The following EFCAB11 variants were observed in gnomAD, a reference collection of about 807,000 sequenced individuals.
EFCAB11 encodes the protein EF-hand calcium-binding domain-containing protein 11.
In EFCAB11, 14 loss-of-function variants were observed where a neutral mutation model predicts 23.0. The ratio of observed to expected loss-of-function variants is 0.61; its 90% CI spans 0.40 to 0.95. The LOEUF (loss-of-function observed/expected upper bound fraction) is 0.95. EFCAB11 is among the 40% of genes least tolerant of loss of function. The probability of loss-of-function intolerance (pLI) is 0.00; values close to 1 mark genes in which losing one functional copy is unlikely to be tolerated. For missense variants in EFCAB11, 198 were observed against 195.8 expected, an observed-to-expected ratio of 1.01 and a Z score of -0.07; for synonymous variants, 65 against 66.6, an observed-to-expected ratio of 0.98 and a Z score of 0.11.
At chr14:89,849,310 C>A (rs1215251599) in intron 5 of EFCAB11, among the ~76,000 whole-genome samples, 2 of 152,200 alleles carry the variant, frequency 1.3e-5, no homozygotes, top group Non-Finnish European at 2.9e-5. Context: ...TAGGCATCAG[C>A]CATGGGAAAT....
intron 5 of EFCAB11, among the ~76,000 whole-genome samples, chr14:89,810,073 T>C (rs1886101376): frequency 1.3e-5 from 2 of 152,222 alleles, no homozygotes; most frequent in Non-Finnish European, 2.9e-5. Flanking sequence ...GGACCATCAA[T>C]ATGACTGTGA....
intron 5 of EFCAB11, among the ~76,000 whole-genome samples, chr14:89,823,122 T>C (rs1886579205): frequency 6.6e-6 from 1 of 152,136 alleles, no homozygotes; most frequent in African/African-American, 2.4e-5. Flanking sequence ...AGCACAGAAC[T>C]TTCTCCAGTG....
chr14:89,824,485 T>C (rs554920986), intron 5 of EFCAB11, among the ~76,000 whole-genome samples: 44 of 151,916 alleles, frequency 2.9e-4, no homozygotes, highest in Non-Finnish European at 2.1e-4. Flanking sequence ...GGAAAACAAA[T>C]GACAAATGAG....
chr14:89,836,853 T>C (rs1396323659), intron 5 of EFCAB11, among the ~76,000 whole-genome samples: 4 of 152,138 alleles, frequency 2.6e-5, no homozygotes, highest in African/African-American at 9.7e-5. Context: ...ACCTCGTCTC[T>C]ACTAAAAATT....
intron 5 of EFCAB11, among the ~76,000 whole-genome samples, chr14:89,831,585 AT>A (rs1279138683): frequency 1.3e-5 from 2 of 152,228 alleles, no homozygotes; most frequent in Non-Finnish European, 2.9e-5. Flanking sequence ...GCATGTATAT[AT>A]TAGTTTACAT....
At chr14:89,864,249 C>A (rs1177982737) in intron 5 of EFCAB11, among the ~76,000 whole-genome samples, 2 of 152,094 alleles carry the variant, frequency 1.3e-5, no homozygotes, top group African/African-American at 4.8e-5. Context: ...CTGAGCCATA[C>A]TAACAAATTA....
chr14:89,914,869 G>A (rs138126741), intron 5 of EFCAB11, among the ~76,000 whole-genome samples: 1 of 151,980 alleles, frequency 6.6e-6, no homozygotes, highest in African/African-American at 2.4e-5. Flanking sequence ...CAAAGGCTGG[G>A]TTCTTTTGAC....
chr14:89,887,033 T>C (rs1888811151), intron 5 of EFCAB11, among the ~76,000 whole-genome samples: 1 of 152,236 alleles, frequency 6.6e-6, no homozygotes, highest in African/African-American at 2.4e-5. Flanking sequence ...AGATTGTTTT[T>C]ATAGTCTTTA....
At chr14:89,872,782 G>GACACAC (rs141688592) in intron 5 of EFCAB11, among the ~76,000 whole-genome samples, 24 of 149,544 alleles carry the variant, frequency 1.6e-4, no homozygotes, top group Non-Finnish European at 1.8e-4. Context: ...AAGAGATTAG[G>GACACAC]ACACACACAC....
intron 3 of EFCAB11, among the ~76,000 whole-genome samples, chr14:89,940,651 A>T (rs1890758733): frequency 6.6e-6 from 1 of 152,242 alleles, no homozygotes; most frequent in Non-Finnish European, 1.5e-5. Flanking sequence ...TTTTTCAAGT[A>T]TCAAAGTAGA....
intron 5 of EFCAB11, among the ~76,000 whole-genome samples, chr14:89,840,060 T>C (rs1228118583): frequency 6.6e-6 from 1 of 152,174 alleles, no homozygotes; most frequent in Non-Finnish European, 1.5e-5. Context: ...CCAGATGAGA[T>C]CCACTAGGCA....
Position 89,927,424 on chromosome 14 carries a change from CT to C in EFCAB11, c.410+4116del, listed in dbSNP as rs1271863177. ...TCTCCTAGTGCTTTTCAGAGATCAGCTTTTTTTCTGGACCTGTGTAGTGAAT... is the reference window on the plus strand; with the variant it reads ...TCTCCTAGTGCTTTTCAGAGATCAGCTTTTTTCTGGACCTGTGTAGTGAAT... On this transcript the variant is annotated intron_variant, in intron 5 of 5. Coordinates refer to ENST00000316738, the MANE Select transcript of EFCAB11 (RefSeq NM_145231.4). Among the ~76,000 whole-genome samples, 5 of 152,270 alleles carry C rather than the reference CT, an allele frequency of 3.3e-5. No homozygotes were observed. In the East Asian group the frequency reaches 9.6e-4, roughly 29 times the overall value.
intron 5 of EFCAB11, among the ~76,000 whole-genome samples, chr14:89,819,426 T>C (rs2140099705): frequency 6.8e-6 from 1 of 148,106 alleles, no homozygotes; most frequent in East Asian, 2.0e-4. Context: ...TTCTATCTTT[T>C]TTTTCTTCCT....
intron 5 of EFCAB11, among the ~76,000 whole-genome samples, chr14:89,906,215 ATAAAT>A (rs1035081929): frequency 4.6e-5 from 7 of 151,034 alleles, no homozygotes; most frequent in Non-Finnish European, 8.8e-5. Context: ...AAATAAATAA[ATAAAT>A]TAAAGGTAAC....
intron 5 of EFCAB11, among the ~76,000 whole-genome samples, chr14:89,800,096 G>A (rs915409963): frequency 2.0e-5 from 3 of 152,134 alleles, no homozygotes; most frequent in African/African-American, 4.8e-5. Context: ...TGAGGCAGAA[G>A]AATTGCTTGA....
intron 3 of EFCAB11, among the ~76,000 whole-genome samples, chr14:89,937,589 G>A (rs999181924): frequency 5.9e-5 from 9 of 152,052 alleles, no homozygotes; most frequent in African/African-American, 1.9e-4. Context: ...GCTACAGCGC[G>A]ATCTTGGCTC....
At chr14:89,916,963 A>G (rs1317414336) in intron 5 of EFCAB11, among the ~76,000 whole-genome samples, 1 of 152,126 alleles carries the variant, frequency 6.6e-6, no homozygotes, top group Non-Finnish European at 1.5e-5. Context: ...GTCTATATTT[A>G]AGGTATACAA....
intron 5 of EFCAB11, among the ~76,000 whole-genome samples, chr14:89,839,261 T>C (rs967015045): frequency 2.6e-5 from 4 of 152,108 alleles, no homozygotes; most frequent in Non-Finnish European, 5.9e-5. Flanking sequence ...GGTGGGTGTA[T>C]TTACTATAAA....
chr14:89,828,939 G>A (rs1406831777), intron 5 of EFCAB11, among the ~76,000 whole-genome samples: 1 of 152,176 alleles, frequency 6.6e-6, no homozygotes, highest in African/African-American at 2.4e-5. Flanking sequence ...CCAGGCACTG[G>A]CTAACGATCC....
Sources: allele counts gnomAD v4.1 joint callset (sites outside exome capture counted in the v4.1 genomes callset), GRCh38; gene constraint gnomAD v4.1.1; transcripts MANE v1.5; gene names NCBI Gene and HGNC (gene_info 2026-07-23, HGNC 2026-07-21).